The following ANKRD40CL variants were observed in gnomAD, a reference collection of about 807,000 sequenced individuals.
The protein encoded by ANKRD40CL is putative ANKRD40 C-terminal-like protein.
For synonymous variants in ANKRD40CL, 5 were observed against 2.3 expected, an observed-to-expected ratio of 2.14 and a Z score of -1.04; for missense variants, 11 against 6.4, an observed-to-expected ratio of 1.71 and a Z score of -0.77.
chr17:50,763,269 G>A, intron 3 of ANKRD40CL, 128 bp downstream of exon 3: 1 of 398,040 alleles, frequency 2.5e-6, no homozygotes, highest in Non-Finnish European at 4.4e-6. Context: ...AAATGACCTA[G>A]CTACCATGTT....
chr17:50,764,199 T>G, intron 2 of ANKRD40CL: 1 of 398,706 alleles, frequency 2.5e-6, no homozygotes, highest in Non-Finnish European at 4.4e-6. Context: ...TGTTATCACT[T>G]GGGTCCGTTG....
In ANKRD40CL at chr17:50,763,535, T is replaced by C. The variant is rs1971242594; in HGVS notation, c.63A>G (p.Glu21=). ...KPAVRIQNPK[E]NDFIEIELKR... ...TCAGTTCAATTTCAATGAAGTCATT[T>C]TCTTTGGGGTTCTGAATTCTGACTT... Residue 21 remains glutamate, a synonymous_variant, in exon 3 of 4, where the codon GAA becomes GAG. Transcript: ENST00000450727. 2 of 399,066 alleles carry C rather than the reference T, an allele frequency of 5.0e-6. No homozygotes were observed. Among genetic ancestry groups the C allele is most frequent in the East Asian group, 7.1e-5 (2 of 28,074 alleles). The allele number at this position is 399,066 out of a possible 1,614,324, so 24.7% of individuals were successfully genotyped here.
chr17:50,765,425 A>G (rs911132279), intron 2 of ANKRD40CL, among the ~76,000 whole-genome samples: 2 of 152,184 alleles, frequency 1.3e-5, no homozygotes, highest in Non-Finnish European at 2.9e-5. Context: ...TGCATTCTGG[A>G]AAAGAGAAAA....
chr17:50,766,552 C>G, intron 2 of ANKRD40CL: 1 of 315,306 alleles, frequency 3.2e-6, no homozygotes, highest in South Asian at 1.1e-4. Flanking sequence ...TACATAACCT[C>G]TCTGATCTGA....
rs894406921 is a variant in ANKRD40CL at position 50,763,558 on chromosome 17, C to T, written c.41-1G>A. 8.3e-5 allele frequency: 33 copies of T among 398,922 alleles called. No individual in the cohort carries two copies. Among genetic ancestry groups the T allele is most frequent in the African/African-American group, 6.6e-4 (32 of 48,630 alleles). The allele number at this position is 398,922 out of a possible 1,614,324, so 24.7% of individuals were successfully genotyped here. A position where few individuals can be genotyped will look rare whatever the true frequency, so the allele number is the denominator to read the frequency against. Reference sequence around the variant, plus strand: ...TTTTCTTTGGGGTTCTGAATTCTGACTTTAAACACAAGCTCTAAATCACCC... The same window carrying T: ...TTTTCTTTGGGGTTCTGAATTCTGATTTTAAACACAAGCTCTAAATCACCC... On this transcript the variant is annotated splice_acceptor_variant, in intron 2 of 3. Coordinates refer to ENST00000450727, the MANE Select transcript of ANKRD40CL (RefSeq NM_001358683.3). LOFTEE classifies it high-confidence loss of function.
chr17:50,767,073 T>C (rs1169389452), intron 1 of ANKRD40CL, 62 bp from the exon 2 acceptor site: 3 of 699,216 alleles, frequency 4.3e-6, no homozygotes, highest in Admixed American at 4.0e-5. Context: ...TCATTTTTAT[T>C]TTATAGATAG....
chr17:50,763,150 C>T (rs1971232836), intron 3 of ANKRD40CL: 2 of 335,422 alleles, frequency 6.0e-6, no homozygotes, highest in South Asian at 3.1e-4. Flanking sequence ...CCACCTCGGC[C>T]TCCCAAAGTG....
intron 2 of ANKRD40CL, chr17:50,764,315 C>T: frequency 2.5e-6 from 1 of 398,468 alleles, no homozygotes; most frequent in Middle Eastern, 6.3e-4. Context: ...AGACAAAGGA[C>T]AAGGATGCCC....
chr17:50,764,595 A>G (rs1597957185), intron 2 of ANKRD40CL: 1 of 188,172 alleles, frequency 5.3e-6, no homozygotes, highest in East Asian at 1.2e-4. Flanking sequence ...TACAGTTAGG[A>G]GGGTGTCTTT....
chr17:50,766,580 C>A, intron 2 of ANKRD40CL: 2 of 376,600 alleles, frequency 5.3e-6, no homozygotes, highest in South Asian at 8.8e-5. Flanking sequence ...GTTAACAATC[C>A]TACCTCACCA....
chr17:50,762,359 G>A (rs774934781), intron 3 of ANKRD40CL, among the ~76,000 whole-genome samples: 2 of 152,126 alleles, frequency 1.3e-5, no homozygotes, highest in Admixed American at 1.3e-4. Flanking sequence ...CCAGCACTTA[G>A]GAGGATGAGG....
chr17:50,761,569 A>G (rs1971202288), intron 3 of ANKRD40CL, 63 bp from the exon 4 acceptor site: 1 of 393,726 alleles, frequency 2.5e-6, no homozygotes, highest in Non-Finnish European at 4.5e-6. Context: ...AAACCTTAAT[A>G]TTAATATTGT....
chr17:50,762,270 T>C (rs1971214148), intron 3 of ANKRD40CL, among the ~76,000 whole-genome samples: 1 of 152,144 alleles, frequency 6.6e-6, no homozygotes, highest in South Asian at 2.1e-4. Flanking sequence ...CTTGACATGT[T>C]AGTTTACAAA....
Position 50,761,187 on chromosome 17 carries a change from T to G in ANKRD40CL, c.*176A>C, listed in dbSNP as rs1015350607. 2.1e-5 allele frequency: 7 copies of G among 338,584 alleles called. No homozygotes were observed. Among genetic ancestry groups the G allele is most frequent in the Non-Finnish European group, 2.6e-5 (5 of 189,304 alleles). 21.0% of individuals were successfully genotyped at this position (338,584 alleles called of 1,614,324 possible). On this transcript the variant is annotated 3_prime_UTR_variant, in exon 4 of 4. Transcript: ENST00000450727. The stretch of plus-strand genomic sequence containing the variant: ...CCCATGTAGCTGGGACTACTACAGG[T>G]GTGCGCCACCACACCTAGCTAATTT...
At chr17:50,764,390 G>C (rs1276622376) in intron 2 of ANKRD40CL, 1 of 396,542 alleles carries the variant, frequency 2.5e-6, no homozygotes, top group Non-Finnish European at 4.4e-6. Context: ...GTCAGGAAAA[G>C]GGCAGTAATG....
At chr17:50,765,553 T>C (rs533352264) in intron 2 of ANKRD40CL, among the ~76,000 whole-genome samples, 2 of 152,304 alleles carry the variant, frequency 1.3e-5, no homozygotes, top group South Asian at 2.1e-4. Context: ...TGGCCAGATA[T>C]GGATGTGACC....
rs1212431200 is a variant in ANKRD40CL, at chr17:50,761,827, T to C, written c.202-321A>G. 2.6e-5 allele frequency among the ~76,000 whole-genome samples: 4 copies of C among 152,188 alleles called. No homozygotes were observed. In the South Asian group the frequency reaches 8.3e-4, roughly 31 times the overall value. ...TTTATAGAGACAGTTTTCACCATGT[T>C]GGCCAGGCTGGTCTTGAACTCCTGA... is the stretch of plus-strand genomic sequence containing the variant. On this transcript the variant is annotated intron_variant, in intron 3 of 3. Transcript: ENST00000450727.
chr17:50,764,657 A>G (rs1166074272), intron 2 of ANKRD40CL: 1 of 157,186 alleles, frequency 6.4e-6, no homozygotes, highest in Non-Finnish European at 1.4e-5. Flanking sequence ...GAATATTTAG[A>G]GTGCTTTGCA....
chr17:50,762,421 A>G (rs1971216220), intron 3 of ANKRD40CL, among the ~76,000 whole-genome samples: 1 of 152,138 alleles, frequency 6.6e-6, no homozygotes. Flanking sequence ...TTTCAAAAAA[A>G]AGAAATTAAT....
Sources: allele counts gnomAD v4.1 joint callset (sites outside exome capture counted in the v4.1 genomes callset), GRCh38; gene constraint gnomAD v4.1.1; transcripts MANE v1.5; gene names NCBI Gene and HGNC (gene_info 2026-07-23, HGNC 2026-07-21).